PCDH15: variants seen among roughly 807,000 people sequenced by gnomAD.
PCDH15 encodes protocadherin related 15, also known as protocadherin-15.
PCDH15 carries 129 observed loss-of-function variants against 178.5 expected under a neutral mutation model. The ratio of observed to expected loss-of-function variants is 0.72; its 90% CI spans 0.63 to 0.84. PCDH15 has a LOEUF of 0.84. Ranked by LOEUF, PCDH15 falls within the 40% of genes least tolerant of loss-of-function variation. The pLI is 0.00. For synonymous variants in PCDH15, 800 were observed against 732.0 expected, an observed-to-expected ratio of 1.09 and a Z score of -1.50; for missense variants, 2,230 against 2,099.9, an observed-to-expected ratio of 1.06 and a Z score of -1.21.
intron 2 of PCDH15, among the ~76,000 whole-genome samples, chr10:55,044,778 A>G (rs1271523437): frequency 1.3e-5 from 2 of 152,084 alleles, no homozygotes; most frequent in African/African-American, 2.4e-5. Context: ...ATCACTAAAC[A>G]AATGCTTATT....
At chr10:54,098,944 T>G (rs938168098) in intron 15 of PCDH15, among the ~76,000 whole-genome samples, 1 of 152,198 alleles carries the variant, frequency 6.6e-6, no homozygotes, top group African/African-American at 2.4e-5. Flanking sequence ...AGTTTATTTG[T>G]TCTTTGTTTT....
At chr10:55,031,209 T>A (rs10740609) in intron 2 of PCDH15, among the ~76,000 whole-genome samples, 123,250 of 152,168 alleles carry the variant, frequency 0.81, 50,232 homozygotes, top group East Asian at 0.91. Flanking sequence ...TGCTGATTCT[T>A]AATGAGCAAA....
intron 2 of PCDH15, among the ~76,000 whole-genome samples, chr10:55,359,419 A>G (rs1845165797): frequency 6.6e-6 from 1 of 151,986 alleles, no homozygotes; most frequent in Admixed American, 6.6e-5. Flanking sequence ...AACAATTTTT[A>G]TATGTGCTGC....
At chr10:55,480,683 A>G (rs1268833483) in intron 2 of PCDH15, among the ~76,000 whole-genome samples, 1 of 151,878 alleles carries the variant, frequency 6.6e-6, no homozygotes, top group Non-Finnish European at 1.5e-5. Context: ...GATGAAGCCT[A>G]TTTAATCATG....
intron 2 of PCDH15, among the ~76,000 whole-genome samples, chr10:54,583,699 A>T (rs892986784): frequency 7.9e-5 from 12 of 152,278 alleles, no homozygotes; most frequent in African/African-American, 2.6e-4. Context: ...AGTTGCTTCA[A>T]TTATAAACCT....
chr10:54,184,387 T>A (rs529336517), intron 12 of PCDH15, among the ~76,000 whole-genome samples: 3 of 81,522 alleles, frequency 3.7e-5, no homozygotes, highest in African/African-American at 1.0e-4. Context: ...AGAAGTTACA[T>A]TTTTTCTTTA....
At position 54,383,911 on chromosome 10, in the gene PCDH15, T is replaced by C. The variant is rs981268080; in HGVS notation, c.158-4969A>G. Among the ~76,000 whole-genome samples, 65 of 151,696 alleles carry C rather than the reference T, an allele frequency of 4.3e-4. 2 individuals are homozygous for C. Among genetic ancestry groups the C allele is most frequent in the Non-Finnish European group, 1.0e-4 (7 of 67,916 alleles). ...TCGGCTCACTGCAACCTCTGTTTCC[T>C]GGGCTCAAGCGATTCTCGTGACTCA... On this transcript the variant is annotated intron_variant, in intron 3 of 37. Coordinates refer to ENST00000644397, the MANE Select transcript of PCDH15 (RefSeq NM_001384140.1).
rs372327658 is a variant in PCDH15 at position 55,618,341 on chromosome 10, T to C, written c.-156+9284A>G. On this transcript the variant is annotated intron_variant, in intron 2 of 5. Coordinates refer to the PCDH15 transcript ENST00000613346. ...GTGTTATTTGTTGTAGTCTTTTGTA[T>C]ATGAATCTATTAATGCTGAGAAACT... 8.5e-5 allele frequency among the ~76,000 whole-genome samples: 13 copies of C among 152,204 alleles called. No homozygotes were observed. In the East Asian group the frequency reaches 2.1e-3, roughly 25 times the overall value.
At chr10:55,292,873 G>A (rs1179709169) in intron 1 of PCDH15, among the ~76,000 whole-genome samples, 1 of 152,192 alleles carries the variant, frequency 6.6e-6, no homozygotes, top group Non-Finnish European at 1.5e-5. Context: ...CAGGCAAACA[G>A]TGCAAGCTGT....
chr10:54,947,966 T>A (rs1157500519), intron 2 of PCDH15, among the ~76,000 whole-genome samples: 10 of 151,968 alleles, frequency 6.6e-5, no homozygotes, highest in Non-Finnish European at 1.2e-4. Flanking sequence ...TTCCTAGGAA[T>A]TCTTACTAAC....
chr10:55,336,124 GAAAAAAAAAAAAAAAAAAAA>G (rs748988261), intron 2 of PCDH15, among the ~76,000 whole-genome samples: 2 of 59,276 alleles, frequency 3.4e-5, no homozygotes, highest in African/African-American at 1.2e-4. Flanking sequence ...CTTGGTATTT[GAAAAAAAAAAAAAAAAAAAA>G]AAAAAAAAAA....
chr10:54,317,585 G>T (rs2061358054), intron 7 of PCDH15, 144 bp from the exon 8 acceptor site: 2 of 922,990 alleles, frequency 2.2e-6, no homozygotes, highest in Non-Finnish European at 1.7e-6. Flanking sequence ...TACCAGCCTG[G>T]CAAACATGGT....
At position 54,924,938 on chromosome 10, in the gene PCDH15, A is replaced by G. The variant is rs1591787099; in HGVS notation, c.-79-27438T>C. Among the ~76,000 whole-genome samples the G allele has an allele frequency of 3.9e-5, 6 of 152,166 alleles. 1 individual carries two copies. Among genetic ancestry groups the G allele is most frequent in the Admixed American group, 3.9e-4 (6 of 15,260 alleles). On this transcript the variant is annotated intron_variant, in intron 2 of 5. Coordinates refer to the PCDH15 transcript ENST00000458638. ...TCGTTTATTTTGCTGTGCAGAAGCT[A>G]TCTAGTCTACTAAGATTGCATTTGT...
intron 2 of PCDH15, chr10:55,506,305 G>T (rs948072741): frequency 6.6e-6 from 1 of 151,474 alleles, no homozygotes. Context: ...GTAATGTGTT[G>T]AGTATTAGAT....
chr10:55,132,903 A>G (rs918606104), intron 2 of PCDH15, among the ~76,000 whole-genome samples: 3 of 152,190 alleles, frequency 2.0e-5, no homozygotes, highest in African/African-American at 7.2e-5. Context: ...AAACTTATAA[A>G]TAAGTTCTTC....
intron 3 of PCDH15, among the ~76,000 whole-genome samples, chr10:54,427,334 A>G (rs1956408868): frequency 7.6e-6 from 1 of 131,972 alleles, no homozygotes; most frequent in Non-Finnish European, 1.5e-5. Flanking sequence ...GCTGGAGTAC[A>G]ATGGCATGAT....
rs753832779 is a variant in PCDH15 at position 53,828,563 on chromosome 10, A to C, written c.4211+2T>G. Reference sequence around the variant, plus strand: ...GATGTGTAAAATGTTAATTATACTTACACTTTAAACCTGTTTGGGAAAGCA... The same window carrying C: ...GATGTGTAAAATGTTAATTATACTTCCACTTTAAACCTGTTTGGGAAAGCA... On this transcript the variant is annotated splice_donor_variant, in intron 31 of 37. Transcript: ENST00000644397. LOFTEE classifies it high-confidence loss of function. 1.2e-5 allele frequency: 18 copies of C among 1,552,912 alleles called. No individual in the cohort carries two copies. The highest frequency in any genetic ancestry group is 1.1e-5 in the Non-Finnish European group (12 of 1,125,068).
At chr10:54,155,791 TAA>T (rs527427577) in intron 13 of PCDH15, among the ~76,000 whole-genome samples, 28 of 119,502 alleles carry the variant, frequency 2.3e-4, no homozygotes, top group Admixed American at 4.4e-4. Flanking sequence ...GTGAGACTCT[TAA>T]AAAAAAAAAA....
intron 2 of PCDH15, among the ~76,000 whole-genome samples, chr10:55,156,136 C>T (rs1255409615): frequency 1.3e-5 from 2 of 152,096 alleles, no homozygotes; most frequent in Non-Finnish European, 2.9e-5. Context: ...TTTATATCTG[C>T]AAAATGTATG....
Sources: gnomAD v4.1 joint callset for allele counts (sites outside exome capture counted in the v4.1 genomes callset) on GRCh38, gnomAD v4.1.1 for gene constraint, MANE v1.5 for transcripts, NCBI Gene and HGNC (gene_info 2026-07-23, HGNC 2026-07-21) for gene names.